The following SMC1B variants were observed in gnomAD, a reference collection of about 807,000 sequenced individuals.
SMC1B encodes the protein structural maintenance of chromosomes protein 1B.
SMC1B carries 60 observed loss-of-function variants against 157.9 expected under a neutral mutation model. The observed-to-expected ratio is 0.38, with a 90% CI of 0.31 to 0.47. The LOEUF (loss-of-function observed/expected upper bound fraction) is 0.47. Ranked by LOEUF, SMC1B falls within the 20% of genes least tolerant of loss-of-function variation. The probability of loss-of-function intolerance (pLI) is 0.99; values close to 1 mark genes in which losing one functional copy is unlikely to be tolerated. For synonymous variants in SMC1B, 445 were observed against 483.0 expected (o/e 0.92, Z 1.03); for missense variants, 1,165 against 1,426.2 (o/e 0.82, Z 2.95).
At position 45,405,288 on chromosome 22, in the gene SMC1B, C is replaced by T. The variant is rs1337189460; in HGVS notation, c.615+1172G>A. On this transcript the variant is annotated intron_variant, in intron 4 of 24. Transcript: ENST00000357450. ...AAGAGACAAGATTCTTGGCCAGGCGCGGTGGCTCACGCCTGTAATCCCAGC... is the reference window on the plus strand; with the variant it reads ...AAGAGACAAGATTCTTGGCCAGGCGTGGTGGCTCACGCCTGTAATCCCAGC... Among the ~76,000 whole-genome samples, 4 of 151,980 alleles carry T rather than the reference C, an allele frequency of 2.6e-5. No homozygotes were observed. The South Asian group carries it at 6.2e-4, about 24-fold the overall frequency.
chr22:45,384,799 C>A (rs2086974120), intron 11 of SMC1B, among the ~76,000 whole-genome samples: 2 of 151,560 alleles, frequency 1.3e-5, no homozygotes, highest in African/African-American at 4.8e-5. Flanking sequence ...ATTAATATTT[C>A]TAATTCATCT....
chr22:45,375,790 A>C lies in SMC1B; in HGVS notation c.2059-3498T>G, dbSNP rs549097628. Among the ~76,000 whole-genome samples, 40 of 152,330 alleles carry C rather than the reference A, an allele frequency of 2.6e-4. 1 individual carries two copies. The highest frequency in any genetic ancestry group is 4.9e-4 in the Non-Finnish European group (33 of 68,012). On this transcript the variant is annotated intron_variant, in intron 12 of 24. Coordinates refer to ENST00000357450, the MANE Select transcript of SMC1B (RefSeq NM_148674.5). ...TGTATTTGTGAAATAAATTCTATCTAGTCAGATGTATTATTTTACTACAGT... is the reference window on the plus strand; with the variant it reads ...TGTATTTGTGAAATAAATTCTATCTCGTCAGATGTATTATTTTACTACAGT...
intron 15 of SMC1B, among the ~76,000 whole-genome samples, chr22:45,367,823 T>C (rs537107660): frequency 1.2e-4 from 19 of 152,314 alleles, no homozygotes; most frequent in African/African-American, 4.1e-4. Flanking sequence ...AATTCTCTTA[T>C]TGTCTGCAAG....
At position 45,359,911 on chromosome 22, in the gene SMC1B, A is replaced by T. The variant is rs576346887; in HGVS notation, c.2756T>A (p.Leu919Gln). 5.1e-5 allele frequency: 83 copies of T among 1,614,012 alleles called. No homozygotes were observed. The highest frequency in any genetic ancestry group is 6.5e-5 in the Non-Finnish European group (77 of 1,179,972). ...ATGCTTCTCTAATCGTTTCTGTTCCAGAGAAGTTTGAATACTTACAACTTC... is the reference window on the plus strand; with the variant it reads ...ATGCTTCTCTAATCGTTTCTGTTCCTGAGAAGTTTGAATACTTACAACTTC... The part of the protein sequence containing the change: ...QKEVVSIQTS[L>Q]EQKRLEKHNL... Residue 919 changes from leucine to glutamine, a missense_variant, in exon 18 of 25, where the codon CTG becomes CAG. By Grantham distance (113) the Leu-to-Gln change is moderately radical. Transcript: ENST00000357450.
At chr22:45,346,924 T>C (rs1025960461) in intron 23 of SMC1B, among the ~76,000 whole-genome samples, 12 of 152,348 alleles carry the variant, frequency 7.9e-5, no homozygotes, top group Admixed American at 3.3e-4. Context: ...TAAGAGCTTT[T>C]AATACATAGG....
At position 45,386,893 on chromosome 22, in the gene SMC1B, C is replaced by T. The variant is rs1262530653; in HGVS notation, c.1885G>A (p.Ala629Thr). 6.2e-7 allele frequency: 1 copy of T among 1,613,812 alleles called. No individual in the cohort carries two copies. Among genetic ancestry groups the T allele is most frequent in the Non-Finnish European group, 8.5e-7 (1 of 1,179,924 alleles). Residue 629 changes from alanine (A) to threonine (T), a missense_variant, in exon 11 of 25, where the codon GCA (alanine) becomes ACA (threonine). Physicochemically the swap from Ala to Thr is moderately conservative, Grantham distance 58. Transcript: ENST00000357450. ...CETMEEARHI[A>T]LSGPERQKTV... ...TTCTGTCTTTCAGGTCCACTGAGTG[C>T]AATATGCCTTGCTTCTTCCATAGTC...
rs2086904722 is a variant in SMC1B at position 45,378,518 on chromosome 22, ATGT to A, written c.2058+4946_2058+4948del. 3.3e-5 allele frequency among the ~76,000 whole-genome samples: 5 copies of A among 152,210 alleles called. No homozygotes were observed. The South Asian group carries it at 1.0e-3, about 32-fold the overall frequency. On this transcript the variant is annotated intron_variant, in intron 12 of 24. Transcript: ENST00000357450. ...TAATCCTCTTAATGCTACGAAATAG[ATGT>A]TATTATTATCCCCATTATACTGATG...
At chr22:45,354,850 G>GA (rs1346500728) in intron 20 of SMC1B, 109 bp downstream of exon 20, 5 of 1,003,912 alleles carry the variant, frequency 5.0e-6, no homozygotes, top group South Asian at 3.1e-5. Context: ...GACCACAGAG[G>GA]AAAAAATCTA....
chr22:45,413,516 G>A lies in SMC1B; in HGVS notation c.52C>T (p.Arg18Cys). ...LVENFKSWRG[R>C]QVIGPFRRFT... Reference sequence around the variant, plus strand: ...CTCCGGAAGGGGCCAATGACCTGGCGGCCCCGCCACGACTTGAAATTTTCC... The same window carrying A: ...CTCCGGAAGGGGCCAATGACCTGGCAGCCCCGCCACGACTTGAAATTTTCC... The change falls in exon 1 of 25, where the codon CGC becomes TGC. Residue 18 changes from arginine (R) to cysteine (C), a missense_variant. Transcript: ENST00000357450. 1 of 1,605,144 alleles carries A rather than the reference G, an allele frequency of 6.2e-7. No homozygotes were observed. The highest frequency in any genetic ancestry group is 8.5e-7 in the Non-Finnish European group (1 of 1,175,754).
chr22:45,399,381 A>T (rs749328255), intron 5 of SMC1B, 28 bp from the exon 6 acceptor site: 17 of 1,562,476 alleles, frequency 1.1e-5, no homozygotes, highest in Non-Finnish European at 1.5e-5. Context: ...TTTGCTTTAA[A>T]GAAAATTTCA....
chr22:45,366,315 T>C (rs550416742), intron 15 of SMC1B, among the ~76,000 whole-genome samples: 3 of 152,284 alleles, frequency 2.0e-5, no homozygotes, highest in African/African-American at 7.2e-5. Flanking sequence ...TCAGCTACCA[T>C]GTCCAGCCTC....
At chr22:45,362,825 C>T (rs2086734671) in intron 16 of SMC1B, 60 bp downstream of exon 16, 2 of 1,424,250 alleles carry the variant, frequency 1.4e-6, no homozygotes, top group African/African-American at 1.4e-5. Context: ...AAAAGGTTTA[C>T]CACATGAAGG....
chr22:45,360,542 G>A (rs2086711533), intron 17 of SMC1B, among the ~76,000 whole-genome samples: 1 of 152,144 alleles, frequency 6.6e-6, no homozygotes, highest in African/African-American at 2.4e-5. Context: ...GGCTGAGTGT[G>A]GTGGCTCACG....
intron 12 of SMC1B, 71 bp from the exon 13 acceptor site, chr22:45,372,363 A>C (rs2086841958): frequency 1.5e-6 from 2 of 1,341,716 alleles, no homozygotes; most frequent in South Asian, 2.9e-5. Context: ...GTGCTTTCAT[A>C]TGTAATAATT....
intron 12 of SMC1B, among the ~76,000 whole-genome samples, chr22:45,373,156 A>G (rs558165582): frequency 6.6e-6 from 1 of 152,298 alleles, no homozygotes; most frequent in South Asian, 2.1e-4. Flanking sequence ...TCTGACATGT[A>G]TTGATTGATG....
At chr22:45,355,225 C>T (rs1368334529) in intron 19 of SMC1B, 110 bp from the exon 20 acceptor site, 4 of 1,022,594 alleles carry the variant, frequency 3.9e-6, no homozygotes, top group Non-Finnish European at 5.9e-6. Context: ...TGCATCCACT[C>T]CTTCTCTCCC....
chr22:45,393,750 A>T lies in SMC1B; in HGVS notation c.1429T>A (p.Leu477Met). Reference protein sequence around the residue: ...KSRMSEVNEELNLIRSELQNA... With the variant: ...KSRMSEVNEEMNLIRSELQNA... ...TGCAATTCACTTCTAATAAGATTCA[A>T]TTCTTCATTAACTTCAGACATTCTT... is the stretch of plus-strand genomic sequence containing the variant. Residue 477 changes from leucine (L) to methionine (M), a missense_variant, in exon 9 of 25, where the codon TTG (leucine) becomes ATG (methionine). Coordinates refer to ENST00000357450, the MANE Select transcript of SMC1B (RefSeq NM_148674.5). 1 of 1,613,748 alleles carries T rather than the reference A, an allele frequency of 6.2e-7. No homozygotes were observed. The highest frequency in any genetic ancestry group is 8.5e-7 in the Non-Finnish European group (1 of 1,179,702).
chr22:45,359,753 T>C (rs528783819), intron 18 of SMC1B, 52 bp downstream of exon 18: 26 of 1,557,882 alleles, frequency 1.7e-5, no homozygotes, highest in Admixed American at 3.4e-5. Context: ...CAAAGGGCAA[T>C]GCATTAAGTT....
intron 5 of SMC1B, among the ~76,000 whole-genome samples, chr22:45,399,610 C>T (rs962903197): frequency 2.0e-5 from 3 of 152,134 alleles, no homozygotes; most frequent in Non-Finnish European, 1.5e-5. Flanking sequence ...TATTACTTTA[C>T]AGCACCAAGG....
Sources: allele counts gnomAD v4.1 joint callset (sites outside exome capture counted in the v4.1 genomes callset), GRCh38; gene constraint gnomAD v4.1.1; transcripts MANE v1.5; gene names NCBI Gene and HGNC (gene_info 2026-07-23, HGNC 2026-07-21).